Variants in EFNA3 observed in about 807,000 individuals in gnomAD.
The protein encoded by EFNA3 is ephrin A3, also known as ephrin-A3.
A neutral mutation model predicts 25.0 loss-of-function variants in EFNA3; 15 were observed. The ratio of observed to expected loss-of-function variants is 0.60; its 90% CI spans 0.40 to 0.92. The LOEUF (loss-of-function observed/expected upper bound fraction) is 0.92. EFNA3 is among the 40% of genes least tolerant of loss of function. The pLI, the probability that EFNA3 is intolerant of heterozygous loss-of-function variation, is 0.00. For missense variants in EFNA3, 298 were observed against 323.8 expected (o/e 0.92, Z 0.61); for synonymous variants, 153 against 145.6 (o/e 1.05, Z -0.37).
rs1168162252 is a variant in EFNA3, at chr1:155,085,300, C to T, written c.338C>T (p.Pro113Leu). 1.2e-6 allele frequency: 2 copies of T among 1,612,940 alleles called. No individual in the cohort carries two copies. Among genetic ancestry groups the T allele is most frequent in the East Asian group, 2.2e-5 (1 of 44,836 alleles). The change falls in exon 2 of 5, where the codon CCG becomes CTG. Residue 113 changes from proline (P) to leucine (L), a missense_variant. Transcript: ENST00000368408. The surrounding 1 kb of genome is among the most constrained non-coding windows in gnomAD (Gnocchi z 4.4). ...QGFKRWECNRPHAPHSPIKFS... is the reference protein window; with the variant it reads ...QGFKRWECNRLHAPHSPIKFS... The stretch of plus-strand genomic sequence containing the variant: ...TTCAAGCGCTGGGAGTGCAACCGGC[C>T]GCACGCCCCGCACAGCCCCATCAAG...
At chr1:155,084,447 G>A (rs1375075094) in intron 1 of EFNA3, among the ~76,000 whole-genome samples, 2 of 152,260 alleles carry the variant, frequency 1.3e-5, no homozygotes, top group Non-Finnish European at 2.9e-5. Flanking sequence ...TTTTCTGTGT[G>A]TCTGCTGCCT....
intron 4 of EFNA3, 43 bp from the exon 5 acceptor site, chr1:155,086,370 C>T (rs777464284): frequency 1.2e-6 from 2 of 1,608,200 alleles, no homozygotes; most frequent in Admixed American, 1.7e-5. Flanking sequence ...TGCCCTGGCG[C>T]GCAACCCAGC....
Position 155,080,818 on chromosome 1 carries a change from AGGGGGCGCACACC to A in EFNA3, c.128+1753_128+1765del, listed in dbSNP as rs1663328924. 6.6e-6 allele frequency among the ~76,000 whole-genome samples: 1 copy of A among 151,922 alleles called. No homozygotes were observed. Among genetic ancestry groups the A allele is most frequent in the Non-Finnish European group, 1.5e-5 (1 of 67,960 alleles). On this transcript the variant is annotated intron_variant, in intron 1 of 4. Coordinates refer to ENST00000368408, the MANE Select transcript of EFNA3 (RefSeq NM_004952.5). The surrounding 1 kb of genome is among the most constrained non-coding windows in gnomAD (Gnocchi z 7.0). ...GCGGGCCTGGGCCGGCAGAGGTAGG[AGGGGGCGCACACC>A]GGGCCAGGAGGCTGCCGCCGCCCCC...
chr1:155,081,728 G>A lies in EFNA3; in HGVS notation c.128+2659G>A, dbSNP rs889515571. Among the ~76,000 whole-genome samples the A allele has an allele frequency of 1.3e-5, 2 of 151,914 alleles. No individual in the cohort carries two copies. Among genetic ancestry groups the A allele is most frequent in the Admixed American group, 1.3e-4 (2 of 15,270 alleles). ...CCTGCCTGTCTCTCCTGTTCTCCAA[G>A]ACTCTCGGTTCTCGTTCTCTTCCCT... On this transcript the variant is annotated intron_variant, in intron 1 of 4. Coordinates refer to ENST00000368408, the MANE Select transcript of EFNA3 (RefSeq NM_004952.5). The surrounding 1 kb of genome is among the most constrained non-coding windows in gnomAD (Gnocchi z 5.2).
Position 155,078,864 on chromosome 1 carries a change from G to GGCA in EFNA3, c.-73_-71dup. On this transcript the variant is annotated 5_prime_UTR_variant, in exon 1 of 5. Coordinates refer to ENST00000368408, the MANE Select transcript of EFNA3 (RefSeq NM_004952.5). Reference sequence around the variant, plus strand: ...CCTAAGGCTGGGGGCCGACGGCGGCGGCAGCAGGGAGCTGGGAAGCGGAGA... The same window carrying GGCA: ...CCTAAGGCTGGGGGCCGACGGCGGCGGCAGCAGCAGGGAGCTGGGAAGCGGAGA... 9 of 1,304,170 alleles carry GGCA rather than the reference G, an allele frequency of 6.9e-6. No homozygotes were observed. In the South Asian group the frequency reaches 9.2e-5, roughly 13 times the overall value. 80.8% of individuals were successfully genotyped at this position (1,304,170 alleles called of 1,614,324 possible). A position where few individuals can be genotyped will look rare whatever the true frequency, so the allele number is the denominator to read the frequency against.
In EFNA3 at chr1:155,080,745, G is replaced by C. The variant is rs977567188; in HGVS notation, c.128+1676G>C. On this transcript the variant is annotated intron_variant, in intron 1 of 4. Transcript: ENST00000368408. This position sits in a 1 kb window ranked among gnomAD's most constrained non-coding sequence, Gnocchi z 7.0. The stretch of plus-strand genomic sequence containing the variant: ...GCAGGTGAAAGCTCAGGGAGCGGGT[G>C]GGGGAGCCCGGGTTCCGGGAGCCTC... Among the ~76,000 whole-genome samples, 1 of 152,196 alleles carries C rather than the reference G, an allele frequency of 6.6e-6. No homozygotes were observed. The highest frequency in any genetic ancestry group is 1.5e-5 in the Non-Finnish European group (1 of 68,018).
Position 155,085,887 on chromosome 1 carries a change from TCA to T in EFNA3, c.456_457del (p.His152GlnfsTer47). ...HEYYYISTPT[H>X]NLHWKCLRMK... ...CGGTCTCCTCCCCAGCCACGCCCAC[TCA>T]CAACCTGCACTGGAAGTGTCTGAGG... is the stretch of plus-strand genomic sequence containing the variant. On this transcript the variant is annotated frameshift_variant, in exon 3 of 5. Transcript: ENST00000368408. LOFTEE classifies it high-confidence loss of function. This position sits in a 1 kb window ranked among gnomAD's most constrained non-coding sequence, Gnocchi z 4.4. The T allele has an allele frequency of 6.2e-7, 1 of 1,613,442 alleles. No individual in the cohort carries two copies. Among genetic ancestry groups the T allele is most frequent in the Non-Finnish European group, 8.5e-7 (1 of 1,179,730 alleles).
In EFNA3 at chr1:155,081,131, G is replaced by T. The variant is rs111582237; in HGVS notation, c.128+2062G>T. On this transcript the variant is annotated intron_variant, in intron 1 of 4. Coordinates refer to ENST00000368408, the MANE Select transcript of EFNA3 (RefSeq NM_004952.5). The surrounding 1 kb of genome is among the most constrained non-coding windows in gnomAD (Gnocchi z 5.2). ...GAGGGTCTTGCGACCCCGCCTCCTGGGGGGGTCACGTGCGTCGGCCTCCTT... is the reference window on the plus strand; with the variant it reads ...GAGGGTCTTGCGACCCCGCCTCCTGTGGGGGTCACGTGCGTCGGCCTCCTT... 0.016 allele frequency among the ~76,000 whole-genome samples: 2,436 copies of T among 152,274 alleles called. 27 individuals carry two copies. The highest frequency in any genetic ancestry group is 0.025 in the Non-Finnish European group (1,674 of 67,996).
intron 1 of EFNA3, among the ~76,000 whole-genome samples, chr1:155,083,454 C>A (rs1663382306): frequency 6.6e-6 from 1 of 152,238 alleles, no homozygotes; most frequent in Admixed American, 6.5e-5. Flanking sequence ...AGGCTCCTGC[C>A]CACCTGAGTG....
intron 1 of EFNA3, among the ~76,000 whole-genome samples, chr1:155,084,263 T>C (rs941479442): frequency 6.6e-6 from 1 of 152,170 alleles, no homozygotes; most frequent in African/African-American, 2.4e-5. Flanking sequence ...AGCGCCCTCA[T>C]GTGTTTAAAG....
chr1:155,086,277 C>G (rs1663460214), intron 4 of EFNA3, 72 bp downstream of exon 4: 1 of 1,595,428 alleles, frequency 6.3e-7, no homozygotes, highest in Non-Finnish European at 8.6e-7. Flanking sequence ...CTGCTCACCT[C>G]GCATGCCTTC....
At chr1:155,084,996 T>A (rs776924447) in intron 1 of EFNA3, 95 bp from the exon 2 acceptor site, 12 of 1,423,752 alleles carry the variant, frequency 8.4e-6, no homozygotes, top group African/African-American at 2.9e-5. Flanking sequence ...GTCGGAAGGC[T>A]ACGCGGACCC....
chr1:155,082,314 TG>T (rs1342251363), intron 1 of EFNA3, among the ~76,000 whole-genome samples: 1 of 152,134 alleles, frequency 6.6e-6, no homozygotes, highest in Non-Finnish European at 1.5e-5. Flanking sequence ...AGACCGGGGC[TG>T]GGGGTGGAGG....
At position 155,086,558 on chromosome 1, in the gene EFNA3, C is replaced by CT. The variant is rs1553268742; in HGVS notation, c.*16dup. 6.2e-6 allele frequency: 10 copies of CT among 1,602,270 alleles called. No homozygotes were observed. In the Admixed American group the frequency reaches 1.5e-4, roughly 24 times the overall value. On this transcript the variant is annotated 3_prime_UTR_variant, in exon 5 of 5. Coordinates refer to ENST00000368408, the MANE Select transcript of EFNA3 (RefSeq NM_004952.5). ...TGGCCTCCTAGCTCTGCCCCCTCCC[C>CT]TGGGGGGGGAGAGATGGGGCGGGGC... is the stretch of plus-strand genomic sequence containing the variant.
rs1429564886 is a variant in EFNA3 at position 155,081,044 on chromosome 1, G to C, written c.128+1975G>C. 1.3e-5 allele frequency among the ~76,000 whole-genome samples: 2 copies of C among 152,216 alleles called. No individual in the cohort carries two copies. The highest frequency in any genetic ancestry group is 2.9e-5 in the Non-Finnish European group (2 of 68,020). ...CCCCCTCCCCCTAGTCACGTGAGCT[G>C]GGCTCCTGGCTCCCACCTCCCGTCA... On this transcript the variant is annotated intron_variant, in intron 1 of 4. Coordinates refer to ENST00000368408, the MANE Select transcript of EFNA3 (RefSeq NM_004952.5). The surrounding 1 kb of genome is among the most constrained non-coding windows in gnomAD (Gnocchi z 5.2).
rs1202837530 is a variant in EFNA3, at chr1:155,079,602, G to A, written c.128+533G>A. 6.6e-6 allele frequency among the ~76,000 whole-genome samples: 1 copy of A among 152,196 alleles called. No individual in the cohort carries two copies. The highest frequency in any genetic ancestry group is 1.5e-5 in the Non-Finnish European group (1 of 68,030). On this transcript the variant is annotated intron_variant, in intron 1 of 4. Transcript: ENST00000368408. The surrounding 1 kb of genome is among the most constrained non-coding windows in gnomAD (Gnocchi z 7.7). ...TTGTGTGGATAAGCCCGGCTAGGGT[G>A]AGCTAGGGCTGGGTCGCTGAGTTGG...
Position 155,085,819 on chromosome 1 carries a change from G to A in EFNA3, c.443-58G>A. 1.9e-6 allele frequency: 3 copies of A among 1,594,242 alleles called. No homozygotes were observed. The highest frequency in any genetic ancestry group is 1.7e-5 in the Admixed American group (1 of 58,462). The stretch of plus-strand genomic sequence containing the variant: ...GGAGGGGGTGAGAAATAGAGCCGTC[G>A]AGGGAGGGCACAGGCACACATTGGG... On this transcript the variant is annotated intron_variant, in intron 2 of 4. Coordinates refer to ENST00000368408, the MANE Select transcript of EFNA3 (RefSeq NM_004952.5). This position sits in a 1 kb window ranked among gnomAD's most constrained non-coding sequence, Gnocchi z 4.4.
intron 1 of EFNA3, among the ~76,000 whole-genome samples, chr1:155,082,037 T>A (rs1422010932): frequency 6.6e-6 from 1 of 152,182 alleles, no homozygotes; most frequent in Non-Finnish European, 1.5e-5. Flanking sequence ...AGACCTGGGC[T>A]GTCCAGACTG....
In EFNA3 at chr1:155,078,875, G is replaced by A; in HGVS notation, c.-67G>A. The A allele has an allele frequency of 7.5e-7, 1 of 1,327,956 alleles. No homozygotes were observed. The highest frequency in any genetic ancestry group is 2.1e-5 in the South Asian group (1 of 47,446). 82.3% of individuals were successfully genotyped at this position (1,327,956 alleles called of 1,614,324 possible). ...GGGCCGACGGCGGCGGCAGCAGGGA[G>A]CTGGGAAGCGGAGAAGCCGGGAGCG... On this transcript the variant is annotated 5_prime_UTR_variant, in exon 1 of 5. Transcript: ENST00000368408.
Sources: allele counts gnomAD v4.1 joint callset (sites outside exome capture counted in the v4.1 genomes callset), GRCh38; gene constraint gnomAD v4.1.1; non-coding constraint Gnocchi (gnomAD v3.1); transcripts MANE v1.5; gene names NCBI Gene and HGNC (gene_info 2026-07-23, HGNC 2026-07-21).